ANO1: variants seen among roughly 807,000 people sequenced by gnomAD.
ANO1 encodes anoctamin 1, also known as anoctamin-1.
A neutral mutation model predicts 124.0 loss-of-function variants in ANO1; 59 were observed. The ratio of observed to expected loss-of-function variants is 0.48; its 90% CI spans 0.39 to 0.59. The LOEUF (loss-of-function observed/expected upper bound fraction) is 0.59. Among genes scored for constraint, ANO1 ranks in the 20% least tolerant of loss-of-function variants. The pLI, the probability that ANO1 is intolerant of heterozygous loss-of-function variation, is 0.00. For missense variants in ANO1, 1,059 were observed against 1,328.0 expected (o/e 0.80, Z 3.15); for synonymous variants, 529 against 532.0 (o/e 0.99, Z 0.08).
rs139886202 is a variant in ANO1 at position 70,037,165 on chromosome 11, C to T, written c.59-41377C>T. Among the ~76,000 whole-genome samples the T allele has an allele frequency of 4.7e-3, 710 of 152,184 alleles. 8 individuals carry two copies. Among genetic ancestry groups the T allele is most frequent in the African/African-American group, 0.016 (674 of 41,538 alleles). Reference sequence around the variant, plus strand: ...GTGGAAGTGCCTCTCGGAACTCCACCCTGAGAAATCCAGCTTAGGCGGCCC... The same window carrying T: ...GTGGAAGTGCCTCTCGGAACTCCACTCTGAGAAATCCAGCTTAGGCGGCCC... On this transcript the variant is annotated intron_variant, in intron 1 of 27. Transcript: ENST00000531349.
chr11:70,124,315 C>T (rs1218281591), intron 8 of ANO1, 35 bp from the exon 9 acceptor site: 5 of 1,610,098 alleles, frequency 3.1e-6, no homozygotes, highest in Non-Finnish European at 4.2e-6. Context: ...CGGAGTGCCA[C>T]ATTGTCACCA....
chr11:70,168,390 G>A (rs540255252), intron 21 of ANO1, among the ~76,000 whole-genome samples: 9 of 152,098 alleles, frequency 5.9e-5, no homozygotes, highest in Non-Finnish European at 1.2e-4. Flanking sequence ...TTTGAAAGGG[G>A]CAGCCCCTCC....
intron 1 of ANO1, among the ~76,000 whole-genome samples, chr11:70,071,510 C>A (rs1476688902): frequency 1.3e-5 from 2 of 152,136 alleles, no homozygotes; most frequent in African/African-American, 4.8e-5. Flanking sequence ...GACTTTGAGC[C>A]CTAGAAACGT....
At chr11:70,000,527 C>A (rs1554999090) in intron 1 of ANO1, among the ~76,000 whole-genome samples, 1 of 152,158 alleles carries the variant, frequency 6.6e-6, no homozygotes, top group African/African-American at 2.4e-5. Flanking sequence ...CGAGCTTTGG[C>A]AAGAACATGG....
the ANO1 span, among the ~76,000 whole-genome samples, chr11:69,968,026 T>G: frequency 1.2e-3 from 185 of 152,252 alleles, 2 homozygotes; most frequent in African/African-American, 4.3e-3. Context: ...TCTGAGGGCC[T>G]TCCTGGCATC....
At chr11:70,130,458 C>T (rs759972498) in intron 10 of ANO1, among the ~76,000 whole-genome samples, 3 of 152,290 alleles carry the variant, frequency 2.0e-5, no homozygotes, top group Non-Finnish European at 4.4e-5. Flanking sequence ...CACTCTGCTG[C>T]GTGGCCCTGA....
Position 70,013,934 on chromosome 11 carries a change from G to C in ANO1, c.58+27768G>C, listed in dbSNP as rs189585671. On this transcript the variant is annotated intron_variant, in intron 1 of 27. Transcript: ENST00000531349. ...CCAAGCCTGGTTCCTGCTGAGGCCT[G>C]TCTCCCTGGCTTCTAGATGGCCACC... Among the ~76,000 whole-genome samples the C allele has an allele frequency of 1.7e-3, 259 of 152,186 alleles. 2 individuals are homozygous for C. The highest frequency in any genetic ancestry group is 3.1e-3 in the Non-Finnish European group (213 of 68,010).
chr11:69,972,839 C>T, the ANO1 span, among the ~76,000 whole-genome samples: 1,082 of 152,264 alleles, frequency 7.1e-3, 8 homozygotes, highest in Non-Finnish European at 0.013. Context: ...CCTCTACACA[C>T]ACCCATACTC....
chr11:69,991,543 A>G (rs562304267), intron 1 of ANO1, among the ~76,000 whole-genome samples: 29 of 152,364 alleles, frequency 1.9e-4, no homozygotes, highest in Non-Finnish European at 3.1e-4. Context: ...ATGGGCAAGT[A>G]CCAGTTGTGA....
intron 1 of ANO1, among the ~76,000 whole-genome samples, chr11:70,017,550 CT>C (rs879976773): frequency 7.4e-6 from 1 of 135,592 alleles, no homozygotes; most frequent in African/African-American, 2.7e-5. Flanking sequence ...TTGTCTTACT[CT>C]GTCACCCAGG....
At chr11:69,967,552 C>A in the ANO1 span, among the ~76,000 whole-genome samples, 1 of 152,330 alleles carries the variant, frequency 6.6e-6, no homozygotes, top group East Asian at 1.9e-4. Context: ...CATCAGTAAG[C>A]GGGGCTGATA....
At position 69,999,031 on chromosome 11, in the gene ANO1, C is replaced by CA. The variant is rs141040946; in HGVS notation, c.58+12881dup. On this transcript the variant is annotated intron_variant, in intron 1 of 27. Transcript: ENST00000531349. ...CCTGGGTGACAGAGTGAGACTGTCT[C>CA]AAAAAAAAAAAAAAAAGAGATTTTT... Among the ~76,000 whole-genome samples the CA allele has an allele frequency of 7.3e-3, 941 of 128,158 alleles. 8 individuals carry two copies. The highest frequency in any genetic ancestry group is 9.7e-3 in the African/African-American group (314 of 32,294). 84.1% of individuals were successfully genotyped at this position (128,158 alleles called of 152,430 possible). A position where few individuals can be genotyped will look rare whatever the true frequency, so the allele number is the denominator to read the frequency against.
chr11:70,100,053 C>T (rs764317335), intron 2 of ANO1, among the ~76,000 whole-genome samples: 1 of 152,152 alleles, frequency 6.6e-6, no homozygotes. Flanking sequence ...GGCTCCCCTA[C>T]AAGGGTCCCC....
intron 4 of ANO1, among the ~76,000 whole-genome samples, chr11:70,105,380 C>T (rs947904862): frequency 6.6e-6 from 1 of 152,036 alleles, no homozygotes; most frequent in African/African-American, 2.4e-5. Flanking sequence ...CCCTGTCCCC[C>T]GCCTTGTTGA....
chr11:70,026,609 G>A (rs1217033668), intron 1 of ANO1, among the ~76,000 whole-genome samples: 1 of 152,060 alleles, frequency 6.6e-6, no homozygotes, highest in South Asian at 2.1e-4. Flanking sequence ...AGTGGCGACT[G>A]ATATCACCCT....
chr11:70,089,359 G>A (rs537526283), intron 2 of ANO1, among the ~76,000 whole-genome samples: 3 of 152,258 alleles, frequency 2.0e-5, no homozygotes, highest in African/African-American at 4.8e-5. Context: ...GAATGTCCTC[G>A]GAGTATTTAG....
At chr11:70,054,920 A>G (rs1377014807) in intron 1 of ANO1, among the ~76,000 whole-genome samples, 2 of 152,242 alleles carry the variant, frequency 1.3e-5, no homozygotes, top group Non-Finnish European at 2.9e-5. Context: ...TTAGCTACAT[A>G]TGATGATACC....
intron 1 of ANO1, among the ~76,000 whole-genome samples, chr11:70,057,770 C>A (rs549327618): frequency 3.0e-4 from 46 of 152,160 alleles, no homozygotes; most frequent in Non-Finnish European, 6.2e-4. Context: ...ATTTTCACTT[C>A]TTTTGTGGTT....
intron 18 of ANO1, 37 bp from the exon 19 acceptor site, chr11:70,163,246 C>A (rs759241621): frequency 1.2e-6 from 2 of 1,606,766 alleles, no homozygotes; most frequent in East Asian, 2.2e-5. Context: ...GAGCCAGGGG[C>A]TCATCTTTTC....
Sources: allele counts gnomAD v4.1 joint callset (sites outside exome capture counted in the v4.1 genomes callset), GRCh38; gene constraint gnomAD v4.1.1; transcripts MANE v1.5; gene names NCBI Gene and HGNC (gene_info 2026-07-23, HGNC 2026-07-21).